Variants in PTPRR observed in about 807,000 individuals in gnomAD.
The protein encoded by PTPRR is protein tyrosine phosphatase receptor type R, also known as receptor-type tyrosine-protein phosphatase R.
In PTPRR, 38 loss-of-function variants were observed where a neutral mutation model predicts 77.2. The ratio of observed to expected loss-of-function variants is 0.49; its 90% CI spans 0.38 to 0.65. PTPRR has a LOEUF of 0.65. PTPRR is among the 30% of genes least tolerant of loss of function. The pLI, the probability that PTPRR is intolerant of heterozygous loss-of-function variation, is 0.00. For missense variants in PTPRR, 744 were observed against 799.2 expected, an observed-to-expected ratio of 0.93 and a Z score of 0.83; for synonymous variants, 299 against 283.1, an observed-to-expected ratio of 1.06 and a Z score of -0.57.
chr12:70,833,734 T>C (rs1157416907), intron 2 of PTPRR, among the ~76,000 whole-genome samples: 1 of 152,172 alleles, frequency 6.6e-6, no homozygotes, highest in Non-Finnish European at 1.5e-5. Context: ...ACCTTGTATG[T>C]GGCAACCTGA....
chr12:70,908,658 A>T (rs1441264663), intron 1 of PTPRR, among the ~76,000 whole-genome samples: 1 of 152,204 alleles, frequency 6.6e-6, no homozygotes, highest in African/African-American at 2.4e-5. Context: ...GTGAGGACAC[A>T]GCCAAACCGT....
intron 10 of PTPRR, 84 bp from the exon 11 acceptor site, chr12:70,662,689 T>A: frequency 1.5e-6 from 1 of 663,486 alleles, no homozygotes; most frequent in Non-Finnish European, 2.6e-6. Flanking sequence ...TCTCAAGAGT[T>A]TTATATCATT....
chr12:70,722,475 T>A (rs1050130152), intron 6 of PTPRR, among the ~76,000 whole-genome samples: 12 of 152,188 alleles, frequency 7.9e-5, no homozygotes, highest in Non-Finnish European at 1.5e-4. Flanking sequence ...GTAAACAGTT[T>A]GTAATTTTTC....
At chr12:70,902,927 T>C (rs1056375959) in intron 1 of PTPRR, among the ~76,000 whole-genome samples, 11 of 151,742 alleles carry the variant, frequency 7.2e-5, no homozygotes, top group Admixed American at 5.3e-4. Flanking sequence ...TGTAATACTA[T>C]TCAGTCTTAT....
At chr12:70,896,052 T>C (rs1007633083) in intron 1 of PTPRR, among the ~76,000 whole-genome samples, 2 of 151,596 alleles carry the variant, frequency 1.3e-5, no homozygotes, top group Non-Finnish European at 3.0e-5. Context: ...AAAAGCAACA[T>C]ATCATGAAAA....
At chr12:70,776,672 TTTC>T (rs1278789081) in intron 2 of PTPRR, among the ~76,000 whole-genome samples, 1 of 152,062 alleles carries the variant, frequency 6.6e-6, no homozygotes, top group Non-Finnish European at 1.5e-5. Flanking sequence ...CTAGGGGCTC[TTTC>T]TTCTCCTTGG....
chr12:70,890,712 C>T (rs1011644233), intron 2 of PTPRR, among the ~76,000 whole-genome samples: 2 of 152,050 alleles, frequency 1.3e-5, no homozygotes, highest in East Asian at 3.9e-4. Flanking sequence ...ACTGCAATAT[C>T]CCTCAAACAA....
At chr12:70,779,510 TC>T (rs1891158382) in intron 2 of PTPRR, among the ~76,000 whole-genome samples, 1 of 152,160 alleles carries the variant, frequency 6.6e-6, no homozygotes, top group African/African-American at 2.4e-5. Flanking sequence ...GCCTGACCAC[TC>T]TCTATCAGAT....
At chr12:70,789,090 AT>A (rs779236393) in intron 2 of PTPRR, 1,271 of 420,306 alleles carry the variant, frequency 3.0e-3, no homozygotes, top group Middle Eastern at 4.8e-3. Flanking sequence ...ATTCATGGGG[AT>A]TTTTTTTTTC....
intron 1 of PTPRR, among the ~76,000 whole-genome samples, chr12:70,906,338 T>C (rs1221088411): frequency 6.6e-6 from 1 of 152,032 alleles, no homozygotes; most frequent in Non-Finnish European, 1.5e-5. Context: ...CTGATTTTTT[T>C]TCTAAAGAAA....
chr12:70,844,142 G>A (rs1254940360), intron 2 of PTPRR, among the ~76,000 whole-genome samples: 1 of 152,034 alleles, frequency 6.6e-6, no homozygotes, highest in African/African-American at 2.4e-5. Flanking sequence ...TTAGATTTAG[G>A]TAAGACAATT....
chr12:70,775,885 T>C (rs776034721), intron 2 of PTPRR, among the ~76,000 whole-genome samples: 1 of 152,196 alleles, frequency 6.6e-6, no homozygotes, highest in Non-Finnish European at 1.5e-5. Flanking sequence ...TCTCTGTTTA[T>C]GCCTTTGAAC....
intron 2 of PTPRR, among the ~76,000 whole-genome samples, chr12:70,853,891 T>G (rs966227057): frequency 6.6e-6 from 1 of 152,230 alleles, no homozygotes; most frequent in Admixed American, 6.5e-5. Context: ...GTTTCTACCT[T>G]ACTCTTACTG....
chr12:70,893,503 A>G (rs1893374563), intron 1 of PTPRR, among the ~76,000 whole-genome samples: 1 of 151,962 alleles, frequency 6.6e-6, no homozygotes, highest in Admixed American at 6.6e-5. Flanking sequence ...AACTTTCAGT[A>G]GTCCAAACAA....
rs146185373 is a variant in PTPRR at position 70,692,400 on chromosome 12, G to C, written c.1279+5865C>G. ...ACTTGAAATGTGGCTAGTAAAAACT[G>C]AGAAACTAAAGTTTTAATTTTATTT... On this transcript the variant is annotated intron_variant, in intron 8 of 13. Transcript: ENST00000283228. 6.6e-5 allele frequency among the ~76,000 whole-genome samples: 10 copies of C among 152,284 alleles called. No homozygotes were observed. The East Asian group carries it at 1.9e-3, about 29-fold the overall frequency.
intron 8 of PTPRR, among the ~76,000 whole-genome samples, chr12:70,691,995 T>C (rs1314681072): frequency 3.3e-5 from 5 of 152,204 alleles, no homozygotes. Flanking sequence ...TACCTGTAAA[T>C]CATTACCTCT....
chr12:70,889,732 C>T (rs71454300), intron 2 of PTPRR, among the ~76,000 whole-genome samples: 2,360 of 152,132 alleles, frequency 0.016, 26 homozygotes, highest in African/African-American at 0.026. Context: ...CTTCTCCCCC[C>T]GCTTCTTTTT....
chr12:70,895,244 G>T (rs936456416), intron 1 of PTPRR, among the ~76,000 whole-genome samples: 1 of 151,522 alleles, frequency 6.6e-6, no homozygotes, highest in Non-Finnish European at 1.5e-5. Context: ...TTAGAAGATT[G>T]GGGAAAGTAG....
intron 2 of PTPRR, among the ~76,000 whole-genome samples, chr12:70,865,539 G>A (rs1342840433): frequency 6.6e-6 from 1 of 152,018 alleles, no homozygotes; most frequent in African/African-American, 2.4e-5. Context: ...AGAGAGTCAG[G>A]CAGAAAAAAG....
Sources: gnomAD v4.1 joint callset for allele counts (sites outside exome capture counted in the v4.1 genomes callset) on GRCh38, gnomAD v4.1.1 for gene constraint, MANE v1.5 for transcripts, NCBI Gene and HGNC (gene_info 2026-07-23, HGNC 2026-07-21) for gene names.